Variants in WDR72 observed in about 807,000 individuals in gnomAD.
The protein encoded by WDR72 is WD repeat domain 72.
Under a neutral mutation model 124.2 loss-of-function variants are expected in WDR72, and 120 were observed. The observed-to-expected ratio is 0.97, with a 90% CI of 0.83 to 1.12. The LOEUF (loss-of-function observed/expected upper bound fraction) is 1.12, where lower values mean the gene tolerates loss of function less well. Among genes scored for constraint, WDR72 ranks in the 50% most tolerant of loss-of-function variants. The pLI, the probability that WDR72 is intolerant of heterozygous loss-of-function variation, is 0.00. For synonymous variants in WDR72, 452 were observed against 441.7 expected (o/e 1.02, Z -0.29); for missense variants, 1,387 against 1,278.8 (o/e 1.08, Z -1.29).
At chr15:53,591,842 C>T (rs1426367149) in intron 18 of WDR72, among the ~76,000 whole-genome samples, 1 of 151,982 alleles carries the variant, frequency 6.6e-6, no homozygotes, top group African/African-American at 2.4e-5. Flanking sequence ...TGAGAGAGAA[C>T]TGTTAAGTGT....
intron 1 of WDR72, among the ~76,000 whole-genome samples, chr15:53,740,618 A>G (rs955823874): frequency 1.2e-4 from 19 of 152,202 alleles, no homozygotes; most frequent in Non-Finnish European, 2.6e-4. Flanking sequence ...TTCCTTCTAC[A>G]TTCCTTCTGA....
intron 14 of WDR72, among the ~76,000 whole-genome samples, chr15:53,663,866 A>T (rs2015689772): frequency 6.8e-6 from 1 of 146,374 alleles, no homozygotes; most frequent in African/African-American, 2.8e-5. Flanking sequence ...TCAGCTGTTA[A>T]TGTTGAAGTT....
intron 18 of WDR72, among the ~76,000 whole-genome samples, chr15:53,560,943 T>A (rs1215821036): frequency 6.6e-6 from 1 of 151,818 alleles, no homozygotes; most frequent in Non-Finnish European, 1.5e-5. Context: ...CATTATATTC[T>A]TCCACACTCT....
rs560875977 is a variant in WDR72, at chr15:53,558,691, A to G, written c.3149-35369T>C. On this transcript the variant is annotated intron_variant, in intron 18 of 19. Coordinates refer to ENST00000360509, the MANE Select transcript of WDR72 (RefSeq NM_182758.4). ...CACTCACTAGGTTGCTGTGTAAGAA[A>G]GAACCCTGTAATGTATTCCAAAACC... is the stretch of plus-strand genomic sequence containing the variant. Among the ~76,000 whole-genome samples the G allele has an allele frequency of 6.0e-4, 92 of 152,192 alleles. 3 individuals are homozygous for G. In the South Asian group the frequency reaches 0.018, roughly 31 times the overall value.
intron 1 of WDR72, among the ~76,000 whole-genome samples, chr15:53,736,254 G>A (rs2018350270): frequency 1.3e-5 from 2 of 152,170 alleles, no homozygotes. Flanking sequence ...GAGTGTTGGA[G>A]TTCAAATAGT....
intron 13 of WDR72, among the ~76,000 whole-genome samples, chr15:53,666,071 T>A (rs2015770646): frequency 6.6e-6 from 1 of 152,202 alleles, no homozygotes; most frequent in African/African-American, 2.4e-5. Context: ...TTGCAAGTGA[T>A]CAATAACACA....
At chr15:53,524,006 T>C (rs1891965332) in intron 18 of WDR72, among the ~76,000 whole-genome samples, 1 of 152,104 alleles carries the variant, frequency 6.6e-6, no homozygotes, top group African/African-American at 2.4e-5. Context: ...TACCGACTAA[T>C]TCTGTTTGAG....
intron 4 of WDR72, among the ~76,000 whole-genome samples, chr15:53,715,577 G>A (rs538659875): frequency 2.0e-4 from 31 of 152,320 alleles, no homozygotes; most frequent in African/African-American, 7.5e-4. Flanking sequence ...TCTAGGGAAA[G>A]AGAGATCGCT....
intron 14 of WDR72, among the ~76,000 whole-genome samples, chr15:53,651,565 T>C (rs558878048): frequency 6.6e-5 from 10 of 152,362 alleles, no homozygotes; most frequent in African/African-American, 2.2e-4. Context: ...AGTAATTCTT[T>C]GTTTTCAAGG....
intron 1 of WDR72, among the ~76,000 whole-genome samples, chr15:53,742,995 T>C (rs1269834809): frequency 1.3e-5 from 2 of 152,132 alleles, no homozygotes; most frequent in African/African-American, 4.8e-5. Context: ...CCTACACAAA[T>C]TCTTGACTGC....
rs780964331 is a variant in WDR72, at chr15:53,609,576, A to G, written c.2889T>C (p.His963=). The G allele has an allele frequency of 6.2e-7, 1 of 1,613,332 alleles. No homozygotes were observed. Among genetic ancestry groups the G allele is most frequent in the African/African-American group, 1.3e-5 (1 of 74,908 alleles). Residue 963 remains histidine, a synonymous_variant, in exon 17 of 20, where the codon CAT becomes CAC. Coordinates refer to ENST00000360509, the MANE Select transcript of WDR72 (RefSeq NM_182758.4). ...AAAGTGAAAGGTCAGCCTCAGGTAC[A>G]TGGGATTCATTCTTACCTAGAAATA... is the stretch of plus-strand genomic sequence containing the variant. ...SCLRNGKNES[H]VPEADLSLLK...
chr15:53,633,451 C>G (rs2014507426), intron 14 of WDR72, among the ~76,000 whole-genome samples: 2 of 152,166 alleles, frequency 1.3e-5, no homozygotes, highest in Non-Finnish European at 2.9e-5. Context: ...ATTATCCAGT[C>G]TCAGTTATTC....
At chr15:53,706,344 GTGTGTGTATATATATATATATATA>G (rs1223863539) in intron 9 of WDR72, among the ~76,000 whole-genome samples, 4 of 46,076 alleles carry the variant, frequency 8.7e-5, no homozygotes, top group Admixed American at 2.3e-4. Flanking sequence ...GTGTGTGTGT[GTGTGTGTATATATATATATATATA>G]TATATATATA....
chr15:53,631,797 C>T (rs1266658469), intron 14 of WDR72, among the ~76,000 whole-genome samples: 1 of 152,128 alleles, frequency 6.6e-6, no homozygotes, highest in Non-Finnish European at 1.5e-5. Context: ...TGATGATTTA[C>T]AGTACCTGGT....
At chr15:53,651,217 C>T (rs1418012575) in intron 14 of WDR72, among the ~76,000 whole-genome samples, 7 of 152,026 alleles carry the variant, frequency 4.6e-5, no homozygotes, top group Admixed American at 6.5e-5. Flanking sequence ...CTCTGAAAGG[C>T]GGGAGAATCT....
intron 13 of WDR72, among the ~76,000 whole-genome samples, chr15:53,679,363 T>C (rs879835660): frequency 1.3e-5 from 2 of 152,070 alleles, no homozygotes; most frequent in Non-Finnish European, 2.9e-5. Flanking sequence ...ACCACAATCA[T>C]CATAATAAAA....
At chr15:53,713,038 G>T in intron 6 of WDR72, 147 bp from the exon 7 acceptor site, 2 of 857,192 alleles carry the variant, frequency 2.3e-6, no homozygotes, top group Non-Finnish European at 3.6e-6. Flanking sequence ...TTTGAACTAA[G>T]AAGTTACTTG....
chr15:53,541,592 TC>T (rs1217168191), intron 18 of WDR72, among the ~76,000 whole-genome samples: 1 of 151,742 alleles, frequency 6.6e-6, no homozygotes, highest in East Asian at 1.9e-4. Context: ...GCGCCTCTCC[TC>T]CTCCAAAGGA....
intron 1 of WDR72, among the ~76,000 whole-genome samples, chr15:53,757,806 C>T (rs1471532451): frequency 6.6e-6 from 1 of 152,084 alleles, no homozygotes; most frequent in East Asian, 1.9e-4. Context: ...TAAAATCTTA[C>T]TGATACCATT....
Sources: gnomAD v4.1 joint callset for allele counts (sites outside exome capture counted in the v4.1 genomes callset) on GRCh38, gnomAD v4.1.1 for gene constraint, MANE v1.5 for transcripts, NCBI Gene and HGNC (gene_info 2026-07-23, HGNC 2026-07-21) for gene names.